The following ZNF564 variants were observed in gnomAD, a reference collection of about 807,000 sequenced individuals.
The protein encoded by ZNF564 is zinc finger protein 564.
In ZNF564, 5 loss-of-function variants were observed where a neutral mutation model predicts 10.5. The ratio of observed to expected loss-of-function variants is 0.48; its 90% CI spans 0.25 to 1.00. The LOEUF is 1.00. Ranked by LOEUF, ZNF564 falls within the 50% of genes least tolerant of loss-of-function variation. The probability of loss-of-function intolerance (pLI) is 0.16; values close to 1 mark genes in which losing one functional copy is unlikely to be tolerated. For synonymous variants in ZNF564, 242 were observed against 218.1 expected, an observed-to-expected ratio of 1.11 and a Z score of -0.97; for missense variants, 603 against 669.7, an observed-to-expected ratio of 0.90 and a Z score of 1.10.
rs903450386 is a variant in ZNF564 at position 12,527,349 on chromosome 19, A to G, written c.759T>C (p.Tyr253=). The change falls in exon 4 of 4, where the codon TAT becomes TAC. Residue 253 remains tyrosine, a synonymous_variant. Coordinates refer to ENST00000339282, the MANE Select transcript of ZNF564 (RefSeq NM_144976.4). Reference sequence around the variant, plus strand: ...AGGCTTTTCCACATTCCTGACATTTATAAGGTCCATCTCCAGTGTGCCTAA... The same window carrying G: ...AGGCTTTTCCACATTCCTGACATTTGTAAGGTCCATCTCCAGTGTGCCTAA... ...HMIRHTGDGP[Y]KCQECGKAFD... The G allele has an allele frequency of 4.3e-6, 7 of 1,614,148 alleles. No homozygotes were observed. Among genetic ancestry groups the G allele is most frequent in the Non-Finnish European group, 5.9e-6 (7 of 1,180,022 alleles).
At chr19:12,533,618 T>C (rs957742876) in intron 1 of ZNF564, among the ~76,000 whole-genome samples, 2 of 147,374 alleles carry the variant, frequency 1.4e-5, no homozygotes, top group African/African-American at 5.1e-5. Flanking sequence ...TCCCAGCTAC[T>C]CAGTAGGCTG....
At chr19:12,529,916 G>C (rs187277520) in intron 1 of ZNF564, 1 of 150,464 alleles carries the variant, frequency 6.6e-6, no homozygotes, top group Non-Finnish European at 1.5e-5. Flanking sequence ...ACCAGGAGGC[G>C]GACGTTGCAG....
chr19:12,534,629 C>T (rs1176079713), intron 1 of ZNF564, among the ~76,000 whole-genome samples: 6 of 151,920 alleles, frequency 3.9e-5, no homozygotes, highest in African/African-American at 9.7e-5. Flanking sequence ...GCCTGGCCAA[C>T]ATGGTGAAAC....
intron 1 of ZNF564, among the ~76,000 whole-genome samples, chr19:12,539,240 C>CA (rs760536256): frequency 0.11 from 5,627 of 51,706 alleles, 569 homozygotes; most frequent in African/African-American, 0.27. Flanking sequence ...GACTCCATCT[C>CA]AAAAAAAAAA....
chr19:12,537,362 C>A (rs1360881022), intron 1 of ZNF564, among the ~76,000 whole-genome samples: 2 of 152,084 alleles, frequency 1.3e-5, no homozygotes, highest in Admixed American at 6.6e-5. Context: ...CTAAACAACA[C>A]AATATAACAA....
chr19:12,527,083 C>G lies in ZNF564; in HGVS notation c.1025G>C (p.Cys342Ser), dbSNP rs757744295. 1.2e-6 allele frequency: 2 copies of G among 1,614,042 alleles called. No individual in the cohort carries two copies. The highest frequency in any genetic ancestry group is 4.5e-5 in the East Asian group (2 of 44,884). Residue 342 changes from cysteine to serine, a missense_variant, in exon 4 of 4, where the codon TGT becomes TCT. Physicochemically the swap from Cys to Ser is moderately radical, Grantham distance 112 (BLOSUM62 -1). Transcript: ENST00000339282. ...TGEKPYECNK[C>S]GKTFSSSSNV... ...ACTGGAAGAACTGAAGGTTTTACCA[C>G]ATTTATTACATTCATAGGGTTTCTC...
At chr19:12,529,092 A>G (rs1161978094) in intron 1 of ZNF564, among the ~76,000 whole-genome samples, 1 of 152,128 alleles carries the variant, frequency 6.6e-6, no homozygotes, top group Non-Finnish European at 1.5e-5. Context: ...ACAAAACAAA[A>G]AAGTCGACAA....
chr19:12,542,979 G>A (rs557816722), intron 1 of ZNF564, among the ~76,000 whole-genome samples: 1 of 151,690 alleles, frequency 6.6e-6, no homozygotes, highest in Admixed American at 6.6e-5. Flanking sequence ...TCTGGCCTGG[G>A]CAATAAGAGA....
chr19:12,527,667 C>G lies in ZNF564; in HGVS notation c.441G>C (p.Gly147=), dbSNP rs1568261398. The G allele has an allele frequency of 1.9e-6, 3 of 1,614,046 alleles. No homozygotes were observed. ...AGGATTGACAAGAACTGAAGGCTTT[C>G]CCACACTGCTTACATTTATATGGTT... The part of the protein sequence containing the change: ...GEKPYKCKQC[G]KAFSSCQSFR... Residue 147 remains glycine, a synonymous_variant, in exon 4 of 4, where the codon GGG becomes GGC. Transcript: ENST00000339282.
At chr19:12,530,968 T>C (rs1332737591) in intron 1 of ZNF564, among the ~76,000 whole-genome samples, 1 of 152,090 alleles carries the variant, frequency 6.6e-6, no homozygotes, top group African/African-American at 2.4e-5. Flanking sequence ...GGTCTTACTT[T>C]GTTGCTCAAG....
At chr19:12,530,813 C>G (rs1489505706) in intron 1 of ZNF564, among the ~76,000 whole-genome samples, 3 of 152,142 alleles carry the variant, frequency 2.0e-5, no homozygotes, top group Non-Finnish European at 4.4e-5. Context: ...GTCATCCACA[C>G]TGGAGTGCAG....
At chr19:12,535,274 G>A (rs2021886753) in intron 1 of ZNF564, among the ~76,000 whole-genome samples, 1 of 152,088 alleles carries the variant, frequency 6.6e-6, no homozygotes, top group Non-Finnish European at 1.5e-5. Context: ...TCAGGAGGCT[G>A]AGGCAGGAGA....
At chr19:12,530,299 G>A (rs1202141847) in intron 1 of ZNF564, 2 of 152,130 alleles carry the variant, frequency 1.3e-5, no homozygotes, top group African/African-American at 4.8e-5. Flanking sequence ...TGATTCCTTT[G>A]ACTCTGTCCC....
chr19:12,538,489 G>T (rs1046375830), intron 1 of ZNF564, among the ~76,000 whole-genome samples: 2 of 152,112 alleles, frequency 1.3e-5, no homozygotes, highest in African/African-American at 4.8e-5. Context: ...AGCCAGGCAT[G>T]GTGGTGGGCA....
intron 1 of ZNF564, among the ~76,000 whole-genome samples, chr19:12,543,316 AAG>A (rs2022092762): frequency 6.9e-6 from 1 of 144,026 alleles, no homozygotes; most frequent in Non-Finnish European, 1.5e-5. Flanking sequence ...AAAAAAAAAA[AAG>A]AGAGAAGGGG....
At chr19:12,533,343 G>T (rs781403785) in intron 1 of ZNF564, among the ~76,000 whole-genome samples, 1 of 152,064 alleles carries the variant, frequency 6.6e-6, no homozygotes, top group Non-Finnish European at 1.5e-5. Context: ...CAAAAATTAG[G>T]GTATGCAGCA....
intron 1 of ZNF564, chr19:12,548,303 C>T (rs902630461): frequency 2.5e-5 from 9 of 367,128 alleles, no homozygotes; most frequent in African/African-American, 1.1e-4. Context: ...CTGCAACCTC[C>T]GCCTCCCGGG....
chr19:12,545,733 G>C (rs1031261096), intron 1 of ZNF564, among the ~76,000 whole-genome samples: 9 of 152,170 alleles, frequency 5.9e-5, no homozygotes, highest in African/African-American at 9.7e-5. Context: ...GCAGGGAAAG[G>C]GGGGTGGATA....
At chr19:12,542,888 G>C (rs2022084051) in intron 1 of ZNF564, among the ~76,000 whole-genome samples, 1 of 152,084 alleles carries the variant, frequency 6.6e-6, no homozygotes, top group African/African-American at 2.4e-5. Flanking sequence ...TGTAGTCCCA[G>C]CTACTTGGGA....
Sources: allele counts gnomAD v4.1 joint callset (sites outside exome capture counted in the v4.1 genomes callset), GRCh38; gene constraint gnomAD v4.1.1; transcripts MANE v1.5; gene names NCBI Gene and HGNC (gene_info 2026-07-23, HGNC 2026-07-21).